The following ADCK1 variants were observed in gnomAD, a reference collection of about 807,000 sequenced individuals.
ADCK1 encodes the protein aarF domain-containing protein kinase 1.
ADCK1 carries 41 observed loss-of-function variants against 52.3 expected under a neutral mutation model. That is an observed-to-expected ratio of 0.78 (90% CI 0.61 to 1.02). ADCK1 has a LOEUF of 1.02. Ranked by LOEUF, ADCK1 falls within the 50% of genes least tolerant of loss-of-function variation. The pLI is 0.00. For missense variants in ADCK1, 658 were observed against 679.5 expected (o/e 0.97, Z 0.35); for synonymous variants, 250 against 274.6 (o/e 0.91, Z 0.89).
intron 4 of ADCK1, among the ~76,000 whole-genome samples, chr14:77,874,358 G>A (rs183113327): frequency 1.1e-3 from 163 of 152,336 alleles, no homozygotes; most frequent in African/African-American, 3.8e-3. Context: ...TGCAAATAGG[G>A]TTGCAGGAGG....
intron 4 of ADCK1, among the ~76,000 whole-genome samples, chr14:77,871,596 G>C (rs2082779936): frequency 6.6e-6 from 1 of 152,068 alleles, no homozygotes; most frequent in Non-Finnish European, 1.5e-5. Context: ...GGCCTCAGGT[G>C]ATCTGCCCAT....
intron 5 of ADCK1, among the ~76,000 whole-genome samples, chr14:77,892,452 G>A (rs989313796): frequency 3.9e-5 from 6 of 152,038 alleles, no homozygotes; most frequent in Admixed American, 3.9e-4. Flanking sequence ...CTGGAACTTG[G>A]GTCAGCTGTT....
intron 3 of ADCK1, among the ~76,000 whole-genome samples, chr14:77,858,864 G>A (rs1414799268): frequency 1.3e-5 from 2 of 152,146 alleles, no homozygotes; most frequent in East Asian, 1.9e-4. Flanking sequence ...TTTGAAGGGC[G>A]GCCTCTGTAT....
intron 2 of ADCK1, among the ~76,000 whole-genome samples, chr14:77,820,778 A>T (rs1482463759): frequency 2.0e-5 from 3 of 151,704 alleles, no homozygotes; most frequent in Non-Finnish European, 4.4e-5. Context: ...TATTTTTTTG[A>T]GACAGAATCT....
At chr14:77,878,717 T>G (rs1450240583) in intron 4 of ADCK1, among the ~76,000 whole-genome samples, 2 of 152,194 alleles carry the variant, frequency 1.3e-5, no homozygotes. Context: ...TCTGGTCTCT[T>G]TTACCCTAGA....
rs146662067 is a variant in ADCK1, at chr14:77,886,503, C to T, written c.424-588C>T. 2.2e-3 allele frequency among the ~76,000 whole-genome samples: 340 copies of T among 152,274 alleles called. 2 individuals are homozygous for T. The highest frequency in any genetic ancestry group is 7.8e-3 in the African/African-American group (324 of 41,548). Reference sequence around the variant, plus strand: ...CCTTTGATGGAGGTGCTTAGGGGCCCGTGCACAGGTATGAGGATGCGCCTT... The same window carrying T: ...CCTTTGATGGAGGTGCTTAGGGGCCTGTGCACAGGTATGAGGATGCGCCTT... On this transcript the variant is annotated intron_variant, in intron 4 of 10. Coordinates refer to ENST00000238561, the MANE Select transcript of ADCK1 (RefSeq NM_020421.4).
intron 5 of ADCK1, among the ~76,000 whole-genome samples, chr14:77,896,181 G>A (rs2083405087): frequency 6.6e-6 from 1 of 152,150 alleles, no homozygotes; most frequent in South Asian, 2.1e-4. Flanking sequence ...ATTAGTAACT[G>A]GAAAATCTTT....
chr14:77,823,225 C>T (rs1210601544), intron 3 of ADCK1, among the ~76,000 whole-genome samples: 1 of 151,788 alleles, frequency 6.6e-6, no homozygotes, highest in Non-Finnish European at 1.5e-5. Context: ...AGTGTAGATA[C>T]CTTTGGCTCC....
rs1291893950 is a variant in ADCK1 at position 77,925,797 on chromosome 14, C to T, written c.1042C>T (p.His348Tyr). The change falls in exon 9 of 11, where the codon CAC becomes TAC. Residue 348 changes from histidine to tyrosine, a missense_variant. Transcript: ENST00000238561. ...LTEEFRLNYC[H>Y]LWQSLIWTDM... ...GGAAGAATTCCGCCTGAATTACTGC[C>T]ACCTCTGGCAGTCTCTGATCTGGAC... 5.6e-6 allele frequency: 9 copies of T among 1,614,086 alleles called. No individual in the cohort carries two copies. The African/African-American group carries it at 9.3e-5, about 17-fold the overall frequency.
chr14:77,806,948 C>G (rs1258272167), intron 1 of ADCK1, among the ~76,000 whole-genome samples: 1 of 150,914 alleles, frequency 6.6e-6, no homozygotes, highest in Admixed American at 6.6e-5. Flanking sequence ...CTCCTGACCT[C>G]AAATGATCCA....
rs547081408 is a variant in ADCK1 at position 77,931,557 on chromosome 14, C to T, written c.1246C>T (p.Gln416Ter). The change falls in exon 10 of 11, where the codon CAG becomes TAG. Residue 416 changes from glutamine to a stop codon, truncating the protein, a stop_gained. Coordinates refer to ENST00000238561, the MANE Select transcript of ADCK1 (RefSeq NM_020421.4). LOFTEE classifies it high-confidence loss of function. ...IRNNAANYLP[Q>*]ISHLLNHVPR... ...CAACAACGCGGCCAACTACCTCCCC[C>T]AGATCAGCCATCTCCTCAACCACGT... 1 of 1,614,100 alleles carries T rather than the reference C, an allele frequency of 6.2e-7. No individual in the cohort carries two copies. The highest frequency in any genetic ancestry group is 8.5e-7 in the Non-Finnish European group (1 of 1,180,012).
intron 1 of ADCK1, among the ~76,000 whole-genome samples, chr14:77,817,272 T>C (rs1165347384): frequency 6.6e-6 from 1 of 152,146 alleles, no homozygotes; most frequent in Non-Finnish European, 1.5e-5. Context: ...TAAGCTTGTT[T>C]GTAATAATAG....
At chr14:77,806,834 C>T (rs1438246213) in intron 1 of ADCK1, among the ~76,000 whole-genome samples, 3 of 152,000 alleles carry the variant, frequency 2.0e-5, no homozygotes, top group Admixed American at 2.0e-4. Flanking sequence ...TGTGCCTCAG[C>T]CTCCTGAGTA....
chr14:77,932,742 G>A (rs902503734), intron 10 of ADCK1, among the ~76,000 whole-genome samples: 1 of 152,210 alleles, frequency 6.6e-6, no homozygotes, highest in Non-Finnish European at 1.5e-5. Context: ...ATAAACACCA[G>A]TTTTCATCAT....
intron 4 of ADCK1, among the ~76,000 whole-genome samples, chr14:77,886,259 A>T (rs2083144098): frequency 6.6e-6 from 1 of 152,108 alleles, no homozygotes; most frequent in Admixed American, 6.5e-5. Flanking sequence ...GGATTCTTTG[A>T]GCTCCCCTGG....
At chr14:77,805,012 GC>G (rs2081189583) in intron 1 of ADCK1, among the ~76,000 whole-genome samples, 1 of 151,838 alleles carries the variant, frequency 6.6e-6, no homozygotes, top group Non-Finnish European at 1.5e-5. Flanking sequence ...TTTGAGACCA[GC>G]CTGACCAACA....
intron 4 of ADCK1, among the ~76,000 whole-genome samples, chr14:77,860,073 G>C (rs780802198): frequency 1.3e-5 from 2 of 152,234 alleles, no homozygotes; most frequent in Middle Eastern, 3.4e-3. Context: ...CAGGGTGCTA[G>C]GTGCTGGGTT....
intron 3 of ADCK1, among the ~76,000 whole-genome samples, chr14:77,837,153 CTTTTT>C (rs148898631): frequency 7.1e-6 from 1 of 140,990 alleles, no homozygotes. Context: ...CTTAAAAATT[CTTTTT>C]TTTTTTTTTT....
intron 3 of ADCK1, among the ~76,000 whole-genome samples, chr14:77,824,188 A>G (rs895898749): frequency 7.9e-5 from 12 of 152,180 alleles, no homozygotes; most frequent in South Asian, 2.1e-4. Flanking sequence ...GTGAGCCACC[A>G]TGCCTGGCTT....
Sources: gnomAD v4.1 joint callset for allele counts (sites outside exome capture counted in the v4.1 genomes callset) on GRCh38, gnomAD v4.1.1 for gene constraint, MANE v1.5 for transcripts, NCBI Gene and HGNC (gene_info 2026-07-23, HGNC 2026-07-21) for gene names.